RASA3: variants seen among roughly 807,000 people sequenced by gnomAD.
RASA3 encodes the protein RAS p21 protein activator 3.
In RASA3, 73 loss-of-function variants were observed where a neutral mutation model predicts 110.0. The ratio of observed to expected loss-of-function variants is 0.66; its 90% CI spans 0.55 to 0.81. RASA3 has a LOEUF of 0.81. Ranked by LOEUF, RASA3 falls within the 30% of genes least tolerant of loss-of-function variation. RASA3 has a pLI of 0.00. For missense variants in RASA3, 976 were observed against 1,113.2 expected (o/e 0.88, Z 1.75); for synonymous variants, 500 against 451.4 (o/e 1.11, Z -1.37).
chr13:114,039,059 A>C (rs1490969047), intron 4 of RASA3, among the ~76,000 whole-genome samples: 1 of 152,248 alleles, frequency 6.6e-6, no homozygotes, highest in Non-Finnish European at 1.5e-5. Flanking sequence ...CCAGATGGGA[A>C]AACTGAGGCC....
chr13:114,016,688 G>A (rs1301797532), intron 12 of RASA3, among the ~76,000 whole-genome samples: 1 of 152,262 alleles, frequency 6.6e-6, no homozygotes, highest in Non-Finnish European at 1.5e-5. Context: ...GCCTCACAGG[G>A]CTTTAATAAT....
At chr13:114,027,303 A>G (rs1443904628) in intron 7 of RASA3, 86 bp downstream of exon 7, 5 of 1,163,096 alleles carry the variant, frequency 4.3e-6, no homozygotes, top group Non-Finnish European at 6.3e-6. Context: ...GAGGGAAGAG[A>G]CTGAGATCAT....
intron 3 of RASA3, among the ~76,000 whole-genome samples, chr13:114,043,789 G>A (rs1052029761): frequency 3.3e-5 from 5 of 151,196 alleles, no homozygotes; most frequent in South Asian, 2.1e-4. Flanking sequence ...AGACCACGAG[G>A]GTGGACGACA....
At chr13:114,047,086 T>G (rs544081443) in intron 3 of RASA3, among the ~76,000 whole-genome samples, 1 of 152,140 alleles carries the variant, frequency 6.6e-6, no homozygotes, top group South Asian at 2.1e-4. Flanking sequence ...CCATCGAAAT[T>G]AAAAACTTCT....
intron 2 of RASA3, among the ~76,000 whole-genome samples, chr13:114,060,345 G>A (rs1331309983): frequency 6.6e-6 from 1 of 152,188 alleles, no homozygotes. Context: ...TGCACGGATG[G>A]GGCAGTGGGC....
At chr13:114,031,223 G>C (rs1393439403) in intron 4 of RASA3, among the ~76,000 whole-genome samples, 1 of 150,580 alleles carries the variant, frequency 6.6e-6, no homozygotes, top group Non-Finnish European at 1.5e-5. Flanking sequence ...GATTGTGTGT[G>C]CGTGTCCGTC....
chr13:114,004,334 C>A (rs1356313720), intron 18 of RASA3, among the ~76,000 whole-genome samples: 2 of 149,442 alleles, frequency 1.3e-5, no homozygotes, highest in Non-Finnish European at 1.5e-5. Flanking sequence ...AGGGGACTAA[C>A]AGCCACAATT....
intron 2 of RASA3, among the ~76,000 whole-genome samples, chr13:114,064,103 A>T (rs896895339): frequency 1.3e-5 from 2 of 152,156 alleles, no homozygotes; most frequent in Non-Finnish European, 2.9e-5. Context: ...AACTAAAAAA[A>T]CCCCCACAAA....
At chr13:114,030,000 G>A in intron 4 of RASA3, 113 bp from the exon 5 acceptor site, 1 of 964,986 alleles carries the variant, frequency 1.0e-6, no homozygotes, top group Non-Finnish European at 1.6e-6. Context: ...GCCCCGCCCT[G>A]CCCTGGCCAA....
intron 1 of RASA3, among the ~76,000 whole-genome samples, chr13:114,130,833 C>T (rs1481514930): frequency 6.6e-6 from 1 of 152,186 alleles, no homozygotes; most frequent in Non-Finnish European, 1.5e-5. Flanking sequence ...CTCCAGCCCT[C>T]CTGCCCCCGT....
chr13:114,118,379 C>T (rs1247722946), intron 1 of RASA3, among the ~76,000 whole-genome samples: 3 of 152,130 alleles, frequency 2.0e-5, no homozygotes, highest in Non-Finnish European at 4.4e-5. Flanking sequence ...TCACTTTACT[C>T]TAACTAATAT....
intron 1 of RASA3, among the ~76,000 whole-genome samples, chr13:114,090,827 G>T (rs916051494): frequency 6.6e-6 from 1 of 152,182 alleles, no homozygotes; most frequent in Non-Finnish European, 1.5e-5. Context: ...AATACAAGAG[G>T]TTCCAGAGCC....
rs186620878 is a variant in RASA3, at chr13:114,011,889, G to A, written c.1513-641C>T. 6.6e-6 allele frequency among the ~76,000 whole-genome samples: 1 copy of A among 151,852 alleles called. No individual in the cohort carries two copies. The highest frequency in any genetic ancestry group is 1.5e-5 in the Non-Finnish European group (1 of 67,946). On this transcript the variant is annotated intron_variant, in intron 15 of 23. Transcript: ENST00000334062. This position sits in a 1 kb window ranked among gnomAD's most constrained non-coding sequence, Gnocchi z 4.8. ...GTGAGCTGAGATGGTACCACTGCAC[G>A]CCAGCCTGGTGACAGAGCAAGACTC...
chr13:114,101,062 G>C (rs187762995), intron 1 of RASA3, among the ~76,000 whole-genome samples: 102 of 152,308 alleles, frequency 6.7e-4, no homozygotes, highest in Non-Finnish European at 1.2e-3. Flanking sequence ...GCAGCCGGGG[G>C]TGTAGGGACA....
chr13:114,090,446 T>A (rs2079876004), intron 1 of RASA3, among the ~76,000 whole-genome samples: 1 of 152,188 alleles, frequency 6.6e-6, no homozygotes, highest in African/African-American at 2.4e-5. Context: ...ACCAGACAGA[T>A]GAAGAAACTG....
chr13:114,052,577 C>T (rs1316368546), intron 2 of RASA3, among the ~76,000 whole-genome samples: 3 of 152,210 alleles, frequency 2.0e-5, no homozygotes, highest in African/African-American at 7.2e-5. Flanking sequence ...TTGGACCGCT[C>T]CTTTTATCCA....
At chr13:114,079,665 G>A (rs2079750064) in intron 1 of RASA3, among the ~76,000 whole-genome samples, 1 of 152,216 alleles carries the variant, frequency 6.6e-6, no homozygotes, top group African/African-American at 2.4e-5. Flanking sequence ...GGCCCTGGCA[G>A]GGTCTCAGTG....
At chr13:114,072,092 A>T (rs2139664722) in intron 2 of RASA3, among the ~76,000 whole-genome samples, 1 of 152,170 alleles carries the variant, frequency 6.6e-6, no homozygotes. Flanking sequence ...CCGCTCCCTT[A>T]TAACCCAGCC....
chr13:114,032,812 TGACACCAC>T (rs2054197101), intron 4 of RASA3, among the ~76,000 whole-genome samples: 2 of 38,500 alleles, frequency 5.2e-5, no homozygotes, highest in Non-Finnish European at 8.5e-5. Context: ...ACCCCCACAC[TGACACCAC>T]GCCCCACGGC....
Sources: gnomAD v4.1 joint callset for allele counts (sites outside exome capture counted in the v4.1 genomes callset) on GRCh38, gnomAD v4.1.1 for gene constraint, Gnocchi (gnomAD v3.1) non-coding constraint, MANE v1.5 for transcripts, NCBI Gene and HGNC (gene_info 2026-07-23, HGNC 2026-07-21) for gene names.